The following PIK3C2G variants were observed in gnomAD, a reference collection of about 807,000 sequenced individuals.
The protein encoded by PIK3C2G is phosphatidylinositol 3-kinase C2 domain-containing subunit gamma.
PIK3C2G carries 168 observed loss-of-function variants against 181.1 expected under a neutral mutation model. The observed-to-expected ratio is 0.93, with a 90% CI of 0.82 to 1.05. PIK3C2G has a LOEUF of 1.05. Ranked by LOEUF, PIK3C2G falls within the 50% of genes least tolerant of loss-of-function variation. The pLI is 0.00. For missense variants in PIK3C2G, 1,869 were observed against 1,732.8 expected (o/e 1.08, Z -1.40); for synonymous variants, 573 against 592.2 (o/e 0.97, Z 0.47).
chr12:18,688,139 C>G, the PIK3C2G span: 2 of 1,611,258 alleles, frequency 1.2e-6, no homozygotes, highest in Non-Finnish European at 1.7e-6. Context: ...ATTTGGAACA[C>G]CAAAAACTTC....
At chr12:18,522,830 G>A (rs1309100218) in intron 24 of PIK3C2G, among the ~76,000 whole-genome samples, 1 of 151,634 alleles carries the variant, frequency 6.6e-6, no homozygotes, top group African/African-American at 2.4e-5. Context: ...TGCTTTCTAG[G>A]CCCTTTTCTC....
chr12:18,643,855 C>A (rs985300723), intron 32 of PIK3C2G, among the ~76,000 whole-genome samples: 1 of 152,064 alleles, frequency 6.6e-6, no homozygotes, highest in African/African-American at 2.4e-5. Context: ...CTCACCACAG[C>A]TGGGATTTCT....
In PIK3C2G at chr12:18,393,953, A is replaced by C. The variant is rs118177576; in HGVS notation, c.2126+2701A>C. ...TACTGGAGAGCAGGATGAGAGCTAC[A>C]GAAATCTGTATTGGAGTCTTCTTAA... On this transcript the variant is annotated intron_variant, in intron 15 of 32. Coordinates refer to ENST00000538779, the MANE Select transcript of PIK3C2G (RefSeq NM_001288772.2). Among the ~76,000 whole-genome samples, 265 of 152,266 alleles carry C rather than the reference A, an allele frequency of 1.7e-3. 1 individual carries two copies. Among genetic ancestry groups the C allele is most frequent in the Non-Finnish European group, 3.1e-3 (211 of 67,968 alleles).
the PIK3C2G span, among the ~76,000 whole-genome samples, chr12:18,709,578 T>G: frequency 6.6e-6 from 1 of 151,974 alleles, no homozygotes; most frequent in Non-Finnish European, 1.5e-5. Flanking sequence ...TTGATAAGAA[T>G]TGCATTAAAT....
intron 29 of PIK3C2G, 46 bp from the exon 30 acceptor site, chr12:18,594,448 C>A: frequency 2.5e-6 from 3 of 1,180,318 alleles, no homozygotes; most frequent in Non-Finnish European, 3.6e-6. Context: ...ATAGCAGTAA[C>A]AAATATAAGA....
chr12:18,456,899 ATAC>A (rs1947658531), intron 18 of PIK3C2G, among the ~76,000 whole-genome samples: 1 of 152,202 alleles, frequency 6.6e-6, no homozygotes, highest in Non-Finnish European at 1.5e-5. Flanking sequence ...TGTATCATTT[ATAC>A]TACTAGTAAA....
intron 1 of PIK3C2G, among the ~76,000 whole-genome samples, chr12:18,249,418 C>G (rs1948073706): frequency 6.6e-6 from 1 of 152,082 alleles, no homozygotes; most frequent in African/African-American, 2.4e-5. Flanking sequence ...ATTGGTATTA[C>G]TTGCTTCTCT....
At chr12:18,680,983 G>T in the PIK3C2G span, among the ~76,000 whole-genome samples, 1 of 152,056 alleles carries the variant, frequency 6.6e-6, no homozygotes, top group Admixed American at 6.6e-5. Flanking sequence ...CAGGATAGGG[G>T]AGTGTGTAGC....
At chr12:18,249,832 A>C (rs1948078187) in intron 1 of PIK3C2G, among the ~76,000 whole-genome samples, 1 of 152,086 alleles carries the variant, frequency 6.6e-6, no homozygotes, top group Non-Finnish European at 1.5e-5. Context: ...CACAAAGCTA[A>C]AATTTCAGAA....
At chr12:18,611,761 C>G (rs1447767321) in intron 31 of PIK3C2G, among the ~76,000 whole-genome samples, 1 of 152,082 alleles carries the variant, frequency 6.6e-6, no homozygotes, top group Non-Finnish European at 1.5e-5. Flanking sequence ...ATCCATATTA[C>G]CAGCAAATTC....
the PIK3C2G span, among the ~76,000 whole-genome samples, chr12:18,656,749 A>G: frequency 2.0e-5 from 1 of 50,298 alleles, no homozygotes; most frequent in Admixed American, 2.2e-4. Flanking sequence ...AACAGCAACA[A>G]CAACGACAAC....
chr12:18,305,278 A>C (rs550590126), intron 5 of PIK3C2G, among the ~76,000 whole-genome samples: 2 of 152,262 alleles, frequency 1.3e-5, no homozygotes, highest in South Asian at 2.1e-4. Context: ...GTGCTAAATA[A>C]AGTTTGTTTA....
chr12:18,689,842 T>C, the PIK3C2G span, among the ~76,000 whole-genome samples: 5 of 152,144 alleles, frequency 3.3e-5, no homozygotes, highest in Admixed American at 2.0e-4. Flanking sequence ...ATAGTAAAAC[T>C]TGGCTCTCTG....
chr12:18,333,973 C>T (rs7136348), intron 8 of PIK3C2G, among the ~76,000 whole-genome samples: 26,797 of 152,004 alleles, frequency 0.18, 3,223 homozygotes, highest in African/African-American at 0.32. Context: ...CTGTTACCCA[C>T]CTTTTCAAAT....
chr12:18,604,049 A>G (rs1438282412), intron 30 of PIK3C2G, among the ~76,000 whole-genome samples: 1 of 152,238 alleles, frequency 6.6e-6, no homozygotes, highest in African/African-American at 2.4e-5. Context: ...TCACATTTCA[A>G]TACTAACATT....
chr12:18,259,337 G>T (rs1484076381), upstream of PIK3C2G, among the ~76,000 whole-genome samples: 2 of 152,110 alleles, frequency 1.3e-5, no homozygotes, highest in East Asian at 3.8e-4. Flanking sequence ...TATGCAGGTA[G>T]CCAGCTTCGG....
intron 5 of PIK3C2G, among the ~76,000 whole-genome samples, chr12:18,309,214 C>T (rs1462773850): frequency 6.6e-6 from 1 of 151,596 alleles, no homozygotes; most frequent in Non-Finnish European, 1.5e-5. Context: ...TCTTTTTTTA[C>T]CCATGCAAGA....
chr12:18,611,575 TAGTATA>T (rs987764969), intron 31 of PIK3C2G, among the ~76,000 whole-genome samples: 11 of 152,130 alleles, frequency 7.2e-5, no homozygotes, highest in Admixed American at 1.3e-4. Context: ...TCAACAACTC[TAGTATA>T]AGTATAATAA....
intron 24 of PIK3C2G, among the ~76,000 whole-genome samples, chr12:18,507,628 T>C (rs1289478412): frequency 1.3e-5 from 2 of 152,052 alleles, no homozygotes; most frequent in Non-Finnish European, 2.9e-5. Flanking sequence ...TCCTGAACTC[T>C]ATCTACCTTT....
Sources: gnomAD v4.1 joint callset for allele counts (sites outside exome capture counted in the v4.1 genomes callset) on GRCh38, gnomAD v4.1.1 for gene constraint, MANE v1.5 for transcripts, NCBI Gene and HGNC (gene_info 2026-07-23, HGNC 2026-07-21) for gene names.